Variants in FAM76B observed in about 807,000 individuals in gnomAD.
The protein encoded by FAM76B is family with sequence similarity 76 member B, also known as protein FAM76B.
In FAM76B, 16 loss-of-function variants were observed where a neutral mutation model predicts 51.8. The observed-to-expected ratio is 0.31, with a 90% CI of 0.21 to 0.47. The LOEUF is 0.47. Ranked by LOEUF, FAM76B falls within the 20% of genes least tolerant of loss-of-function variation. The pLI is 1.00. For synonymous variants in FAM76B, 166 were observed against 129.5 expected (o/e 1.28, Z -1.91); for missense variants, 342 against 392.6 (o/e 0.87, Z 1.09).
chr11:95,785,836 T>C (rs1186844541), intron 4 of FAM76B, among the ~76,000 whole-genome samples: 3 of 152,140 alleles, frequency 2.0e-5, no homozygotes, highest in African/African-American at 7.2e-5. Context: ...AAGGGTAAAG[T>C]AAAAGGAGAT....
Position 95,771,363 on chromosome 11 carries a change from C to T in FAM76B, c.*198G>A, listed in dbSNP as rs998919136. On this transcript the variant is annotated 3_prime_UTR_variant, in exon 10 of 10. Transcript: ENST00000358780. The stretch of plus-strand genomic sequence containing the variant: ...TGGATATCAAATAATTAAAAAGTTA[C>T]TTCAAACCAGTTGAAGTTTTATTTG... 1.8e-5 allele frequency: 8 copies of T among 448,026 alleles called. No homozygotes were observed. Among genetic ancestry groups the T allele is most frequent in the Non-Finnish European group, 1.6e-5 (4 of 245,506 alleles). 27.8% of individuals were successfully genotyped at this position (448,026 alleles called of 1,614,324 possible).
chr11:95,778,506 A>G (rs1181432301), intron 8 of FAM76B, among the ~76,000 whole-genome samples: 1 of 151,610 alleles, frequency 6.6e-6, no homozygotes, highest in East Asian at 1.9e-4. Context: ...AAATCAAAAA[A>G]GTTTATGAAA....
intron 1 of FAM76B, chr11:95,789,098 A>C: frequency 7.1e-7 from 1 of 1,404,622 alleles, no homozygotes; most frequent in Non-Finnish European, 9.3e-7. Flanking sequence ...TCTCTGCGGC[A>C]TAGACAGGTG....
Position 95,789,427 on chromosome 11 carries a change from A to C in FAM76B, c.52T>G (p.Phe18Val). ...TGCTGGCCCTGGGAGAGCTCCTCGA[A>C]AGGATAACGCTGGGTACACTTGGTG... is the stretch of plus-strand genomic sequence containing the variant. ...ACTKCTQRYP[F>V]EELSQGQQLC... is the part of the protein sequence containing the mutation. Residue 18 changes from phenylalanine to valine, a missense_variant, in exon 1 of 10, where the codon TTC becomes GTC. Coordinates refer to ENST00000358780, the MANE Select transcript of FAM76B (RefSeq NM_144664.5). The C allele has an allele frequency of 6.2e-7, 1 of 1,609,554 alleles. No individual in the cohort carries two copies. Among genetic ancestry groups the C allele is most frequent in the Non-Finnish European group, 8.5e-7 (1 of 1,178,096 alleles).
Position 95,779,915 on chromosome 11 carries a change from AG to A in FAM76B, c.574del (p.Leu192Ter). The A allele has an allele frequency of 6.2e-7, 1 of 1,604,706 alleles. No homozygotes were observed. Among genetic ancestry groups the A allele is most frequent in the Non-Finnish European group, 8.5e-7 (1 of 1,176,118 alleles). On this transcript the variant is annotated frameshift_variant, in exon 6 of 10. Coordinates refer to ENST00000358780, the MANE Select transcript of FAM76B (RefSeq NM_144664.5). LOFTEE classifies it high-confidence loss of function. ...CAGTCCCTGCTCTTCTTCTGGACTT[AG>A]ATTGCTGATTCTGAAAAATACACAA... ...HSSSHHKISNLSPEEEQGLWK... is the reference protein window; with the variant it reads ...HSSSHHKISNXSPEEEQGLWK...
intron 5 of FAM76B, among the ~76,000 whole-genome samples, chr11:95,780,173 G>T (rs1860193314): frequency 6.6e-6 from 1 of 151,806 alleles, no homozygotes; most frequent in Non-Finnish European, 1.5e-5. Context: ...GATCTCCACA[G>T]TTCAATTTAA....
At chr11:95,781,346 A>G (rs1218570789) in intron 5 of FAM76B, among the ~76,000 whole-genome samples, 1 of 152,146 alleles carries the variant, frequency 6.6e-6, no homozygotes, top group African/African-American at 2.4e-5. Flanking sequence ...TATTGAACTT[A>G]AGATAGGACC....
chr11:95,779,296 G>C (rs1325522893), intron 7 of FAM76B: 1 of 553,908 alleles, frequency 1.8e-6, no homozygotes. Flanking sequence ...TTTCTAAGCA[G>C]GTCAATTTAA....
chr11:95,774,235 G>C (rs569196460), intron 9 of FAM76B, among the ~76,000 whole-genome samples: 4 of 151,482 alleles, frequency 2.6e-5, no homozygotes, highest in South Asian at 2.1e-4. Context: ...CTTACTGTGT[G>C]ATCACAGTTT....
In FAM76B at chr11:95,786,162, T is replaced by C; in HGVS notation, c.320A>G (p.Lys107Arg). ...CTTCCGATCAAAAGCACATTGCTGT[T>C]TGCACTGTTCACAGGTCTGAGGTGG... is the stretch of plus-strand genomic sequence containing the variant. ...YGPPQTCEQC[K>R]QQCAFDRKEE... The change falls in exon 4 of 10, where the codon AAA (lysine) becomes AGA (arginine). Residue 107 changes from lysine to arginine, a missense_variant. Transcript: ENST00000358780. 1 of 1,614,074 alleles carries C rather than the reference T, an allele frequency of 6.2e-7. No homozygotes were observed. Among genetic ancestry groups the C allele is most frequent in the Non-Finnish European group, 8.5e-7 (1 of 1,179,950 alleles).
intron 4 of FAM76B, among the ~76,000 whole-genome samples, chr11:95,784,265 C>A (rs564509616): frequency 2.0e-5 from 3 of 152,092 alleles, no homozygotes; most frequent in African/African-American, 7.2e-5. Flanking sequence ...CTGAGGGGAA[C>A]AACACACATT....
chr11:95,778,388 C>T (rs1591014626), intron 8 of FAM76B, among the ~76,000 whole-genome samples: 1 of 151,396 alleles, frequency 6.6e-6, no homozygotes, highest in African/African-American at 2.4e-5. Flanking sequence ...AGGAAATTCC[C>T]ATACCATTAC....
chr11:95,784,571 TACACAC>T (rs919585950), intron 4 of FAM76B, among the ~76,000 whole-genome samples: 23 of 148,054 alleles, frequency 1.6e-4, no homozygotes, highest in Middle Eastern at 3.5e-3. Flanking sequence ...TGTGTATATA[TACACAC>T]ACACACACAC....
intron 9 of FAM76B, among the ~76,000 whole-genome samples, chr11:95,775,051 T>C (rs993278563): frequency 6.6e-6 from 1 of 151,312 alleles, no homozygotes; most frequent in African/African-American, 2.4e-5. Flanking sequence ...TCCTTCCTTC[T>C]GAAGCTGTAC....
chr11:95,788,992 C>T, intron 1 of FAM76B: 2 of 1,351,426 alleles, frequency 1.5e-6, no homozygotes, highest in Non-Finnish European at 1.9e-6. Flanking sequence ...GCTTCGGGTT[C>T]CTAGCAAGAA....
Position 95,783,326 on chromosome 11 carries a change from T to G in FAM76B, c.364-62A>C. On this transcript the variant is annotated intron_variant, in intron 4 of 9. Coordinates refer to ENST00000358780, the MANE Select transcript of FAM76B (RefSeq NM_144664.5). ...TAAACTGGCTGTAAACGAAACCAGG[T>G]AAGATAAACCACTCAACTTCCACCT... The G allele has an allele frequency of 2.1e-6, 3 of 1,447,204 alleles. No homozygotes were observed. In the Admixed American group the frequency reaches 5.3e-5, roughly 26 times the overall value. 89.6% of individuals were successfully genotyped at this position (1,447,204 alleles called of 1,614,324 possible).
At chr11:95,779,526 T>C (rs1206843225) in intron 7 of FAM76B, 81 bp downstream of exon 7, 1 of 1,166,034 alleles carries the variant, frequency 8.6e-7, no homozygotes, top group African/African-American at 1.6e-5. Context: ...TTTCTATTTT[T>C]TTATCTAGTA....
At chr11:95,781,917 A>G (rs1860292567) in intron 5 of FAM76B, among the ~76,000 whole-genome samples, 1 of 152,186 alleles carries the variant, frequency 6.6e-6, no homozygotes, top group Non-Finnish European at 1.5e-5. Flanking sequence ...AATCTTACTA[A>G]TTAGACAGAA....
intron 9 of FAM76B, 67 bp downstream of exon 9, chr11:95,775,855 T>G: frequency 9.8e-7 from 1 of 1,024,860 alleles, no homozygotes; most frequent in Non-Finnish European, 1.4e-6. Context: ...ACAATCTAAG[T>G]CAATGAATGC....
Sources: allele counts gnomAD v4.1 joint callset (sites outside exome capture counted in the v4.1 genomes callset), GRCh38; gene constraint gnomAD v4.1.1; transcripts MANE v1.5; gene names NCBI Gene and HGNC (gene_info 2026-07-23, HGNC 2026-07-21).